The following PCDH15 variants were observed in gnomAD, a reference collection of about 807,000 sequenced individuals.
The protein encoded by PCDH15 is protocadherin-15.
A neutral mutation model predicts 178.5 loss-of-function variants in PCDH15; 129 were observed. The ratio of observed to expected loss-of-function variants is 0.72; its 90% CI spans 0.63 to 0.84. The LOEUF (loss-of-function observed/expected upper bound fraction) is 0.84. Ranked by LOEUF, PCDH15 falls within the 40% of genes least tolerant of loss-of-function variation. The probability of loss-of-function intolerance (pLI) is 0.00; values close to 1 mark genes in which losing one functional copy is unlikely to be tolerated. For synonymous variants in PCDH15, 800 were observed against 732.0 expected (o/e 1.09, Z -1.50); for missense variants, 2,230 against 2,099.9 (o/e 1.06, Z -1.21).
At position 54,318,185 on chromosome 10, in the gene PCDH15, G is replaced by A. The variant is rs190959299; in HGVS notation, c.706-744C>T. On this transcript the variant is annotated intron_variant, in intron 7 of 37. Coordinates refer to ENST00000644397, the MANE Select transcript of PCDH15 (RefSeq NM_001384140.1). ...AATGTAATAGTCAAGGAAGAAGCCC[G>A]TATTTCCCAGTTTCTGTGGGAGGTT... 2.6e-3 allele frequency among the ~76,000 whole-genome samples: 394 copies of A among 152,296 alleles called. 4 individuals carry two copies. The highest frequency in any genetic ancestry group is 1.2e-3 in the East Asian group (6 of 5,178).
chr10:55,144,408 C>G (rs970029883), intron 2 of PCDH15, among the ~76,000 whole-genome samples: 1 of 152,100 alleles, frequency 6.6e-6, no homozygotes, highest in African/African-American at 2.4e-5. Context: ...GGCTTTCTTG[C>G]TGCCTTGATA....
chr10:55,378,680 A>G lies in PCDH15; in HGVS notation c.-155-212029T>C, dbSNP rs569880779. On this transcript the variant is annotated intron_variant, in intron 2 of 5. Coordinates refer to the PCDH15 transcript ENST00000613346. ...ATTCCTCAATTCAACAGTTTTAGAT[A>G]GCATTCTAGGGAATAAATGAAAGCA... 2.0e-5 allele frequency among the ~76,000 whole-genome samples: 3 copies of G among 152,310 alleles called. No homozygotes were observed. In the East Asian group the frequency reaches 5.8e-4, roughly 29 times the overall value.
At chr10:54,545,563 G>A (rs2133066877) in intron 2 of PCDH15, among the ~76,000 whole-genome samples, 1 of 152,100 alleles carries the variant, frequency 6.6e-6, no homozygotes, top group East Asian at 1.9e-4. Context: ...AGAAAGCAAG[G>A]AAGGAGGGAA....
intron 2 of PCDH15, among the ~76,000 whole-genome samples, chr10:55,593,570 T>A (rs930895842): frequency 6.6e-5 from 10 of 152,036 alleles, no homozygotes; most frequent in African/African-American, 2.2e-4. Flanking sequence ...AAGGAATTTA[T>A]TGTATACATC....
chr10:53,980,964 A>T (rs1299749629), intron 21 of PCDH15, among the ~76,000 whole-genome samples: 2 of 152,162 alleles, frequency 1.3e-5, no homozygotes, highest in African/African-American at 4.8e-5. Context: ...AACAAATGAT[A>T]TCAGCTTTGT....
chr10:54,721,229 C>A (rs10466039), intron 1 of PCDH15, among the ~76,000 whole-genome samples: 86,667 of 151,622 alleles, frequency 0.57, 26,270 homozygotes, highest in Middle Eastern at 0.72. Flanking sequence ...TGGGATACAA[C>A]AAAGAAAAGT....
At chr10:53,954,413 G>A (rs2087404120) in intron 23 of PCDH15, among the ~76,000 whole-genome samples, 1 of 152,134 alleles carries the variant, frequency 6.6e-6, no homozygotes, top group African/African-American at 2.4e-5. Flanking sequence ...TCTAAAAAAA[G>A]AACAATGGAT....
intron 21 of PCDH15, among the ~76,000 whole-genome samples, chr10:53,993,182 C>T (rs1435741940): frequency 6.6e-6 from 1 of 152,124 alleles, no homozygotes; most frequent in Admixed American, 6.5e-5. Context: ...TTCTCATAGC[C>T]CTTACATGGC....
At position 54,893,241 on chromosome 10, in the gene PCDH15, A is replaced by G. The variant is rs1954492416; in HGVS notation, c.-29+4209T>C. ...TTAAAAAATTCTAAAAATTACACTA[A>G]AAACCAAAAATGATAATTAATACCC... is the stretch of plus-strand genomic sequence containing the variant. On this transcript the variant is annotated intron_variant, in intron 3 of 5. Coordinates refer to the PCDH15 transcript ENST00000458638. Among the ~76,000 whole-genome samples, 11 of 152,226 alleles carry G rather than the reference A, an allele frequency of 7.2e-5. No homozygotes were observed. The South Asian group carries it at 2.3e-3, about 32-fold the overall frequency.
chr10:55,327,567 T>G (rs986442838), intron 2 of PCDH15, among the ~76,000 whole-genome samples: 1 of 152,056 alleles, frequency 6.6e-6, no homozygotes, highest in Non-Finnish European at 1.5e-5. Flanking sequence ...CCAAGATCAT[T>G]TACTACATTT....
intron 1 of PCDH15, among the ~76,000 whole-genome samples, chr10:54,668,948 T>C (rs1386130174): frequency 6.6e-6 from 1 of 152,156 alleles, no homozygotes; most frequent in Non-Finnish European, 1.5e-5. Context: ...AATATCTAGA[T>C]AAAGCTACAA....
chr10:54,538,523 A>G (rs2084829920), intron 2 of PCDH15, among the ~76,000 whole-genome samples: 2 of 152,046 alleles, frequency 1.3e-5, no homozygotes, highest in South Asian at 2.1e-4. Flanking sequence ...GCCTTAGAGT[A>G]TAGTTTGAAA....
chr10:54,662,337 CA>C (rs1365523728), intron 2 of PCDH15, among the ~76,000 whole-genome samples: 31 of 151,874 alleles, frequency 2.0e-4, no homozygotes, highest in African/African-American at 7.5e-4. Flanking sequence ...ATGCAAGTTA[CA>C]ACAAAAATGA....
At chr10:55,392,024 T>G (rs1837805284) in intron 2 of PCDH15, among the ~76,000 whole-genome samples, 1 of 152,150 alleles carries the variant, frequency 6.6e-6, no homozygotes, top group South Asian at 2.1e-4. Context: ...GTGAATCAGC[T>G]GATAGAGGGA....
intron 8 of PCDH15, among the ~76,000 whole-genome samples, chr10:54,310,841 T>A (rs1237236270): frequency 6.6e-6 from 1 of 151,714 alleles, no homozygotes; most frequent in African/African-American, 2.4e-5. Context: ...ATAAAAGTGA[T>A]CAAAGATTTA....
intron 18 of PCDH15, among the ~76,000 whole-genome samples, chr10:54,061,903 A>G (rs1159289582): frequency 2.0e-5 from 3 of 152,042 alleles, no homozygotes; most frequent in Admixed American, 6.6e-5. Flanking sequence ...TTCCTTAGTT[A>G]TTATTTGTTA....
At chr10:53,867,823 T>C (rs1201164715) in intron 26 of PCDH15, among the ~76,000 whole-genome samples, 2 of 152,176 alleles carry the variant, frequency 1.3e-5, no homozygotes, top group South Asian at 2.1e-4. Flanking sequence ...TTCTAATTAA[T>C]TAATGCCATA....
At chr10:54,177,917 T>C (rs577914229) in intron 13 of PCDH15, among the ~76,000 whole-genome samples, 1 of 152,310 alleles carries the variant, frequency 6.6e-6, no homozygotes, top group Admixed American at 6.5e-5. Context: ...AGCTGATATC[T>C]GGAATGTCAG....
chr10:54,517,279 A>G (rs1386018185), intron 3 of PCDH15, among the ~76,000 whole-genome samples: 2 of 152,204 alleles, frequency 1.3e-5, no homozygotes, highest in Admixed American at 6.5e-5. Context: ...TTGGATAAAG[A>G]GTCAAGACCC....
Sources: gnomAD v4.1 joint callset for allele counts (sites outside exome capture counted in the v4.1 genomes callset) on GRCh38, gnomAD v4.1.1 for gene constraint, MANE v1.5 for transcripts, NCBI Gene and HGNC (gene_info 2026-07-23, HGNC 2026-07-21) for gene names.